RBFOX1: variants seen among roughly 807,000 people sequenced by gnomAD.
The protein encoded by RBFOX1 is RNA binding protein fox-1 homolog 1.
Under a neutral mutation model 57.7 loss-of-function variants are expected in RBFOX1, and 8 were observed. That is an observed-to-expected ratio of 0.14 (90% CI 0.08 to 0.25). The LOEUF (loss-of-function observed/expected upper bound fraction) is 0.25, where lower values mean the gene tolerates loss of function less well. Among genes scored for constraint, RBFOX1 ranks in the 10% least tolerant of loss-of-function variants. The probability of loss-of-function intolerance (pLI) is 1.00; values close to 1 mark genes in which losing one functional copy is unlikely to be tolerated. For missense variants in RBFOX1, 611 were observed against 548.5 expected, an observed-to-expected ratio of 1.11 and a Z score of -1.14; for synonymous variants, 326 against 222.4, an observed-to-expected ratio of 1.47 and a Z score of -4.15.
At chr16:7,662,427 G>A (rs938644928) in intron 12 of RBFOX1, among the ~76,000 whole-genome samples, 12 of 152,068 alleles carry the variant, frequency 7.9e-5, no homozygotes, top group Non-Finnish European at 1.5e-5. Flanking sequence ...AATTCTACCT[G>A]GAGTTGGTAA....
chr16:5,759,032 AAACCTCCATTTG>A (rs2053496322), intron 3 of RBFOX1, among the ~76,000 whole-genome samples: 1 of 152,234 alleles, frequency 6.6e-6, no homozygotes, highest in Non-Finnish European at 1.5e-5. Context: ...CAAATTCATG[AAACCTCCATTTG>A]AACCTCCATT....
intron 2 of RBFOX1, among the ~76,000 whole-genome samples, chr16:6,489,567 T>G (rs2095583684): frequency 6.6e-6 from 1 of 152,110 alleles, no homozygotes; most frequent in African/African-American, 2.4e-5. Flanking sequence ...CTCATGTACT[T>G]TAGTAATTTG....
At chr16:5,840,082 C>T (rs763844551) in intron 3 of RBFOX1, among the ~76,000 whole-genome samples, 9 of 152,186 alleles carry the variant, frequency 5.9e-5, no homozygotes, top group Non-Finnish European at 1.0e-4. Context: ...CATTTAGTAT[C>T]TAACTCATGA....
intron 3 of RBFOX1, among the ~76,000 whole-genome samples, chr16:6,904,209 C>G (rs528086705): frequency 6.6e-6 from 1 of 152,286 alleles, no homozygotes; most frequent in East Asian, 1.9e-4. Context: ...ACATTGCATG[C>G]ACTTTTGATG....
chr16:7,348,377 T>G (rs2097059189), intron 4 of RBFOX1, among the ~76,000 whole-genome samples: 1 of 151,872 alleles, frequency 6.6e-6, no homozygotes, highest in African/African-American at 2.4e-5. Flanking sequence ...TAGGAACACC[T>G]TTTGAAATAA....
chr16:7,483,064 C>G (rs1437977625), intron 4 of RBFOX1, among the ~76,000 whole-genome samples: 1 of 152,158 alleles, frequency 6.6e-6, no homozygotes, highest in Admixed American at 6.5e-5. Context: ...GGAAGCCACC[C>G]TCGTCACTAA....
intron 4 of RBFOX1, among the ~76,000 whole-genome samples, chr16:7,061,697 C>G (rs1478416625): frequency 2.6e-5 from 4 of 152,254 alleles, no homozygotes; most frequent in African/African-American, 9.6e-5. Context: ...CCATTTCTTG[C>G]TTTATCATTA....
intron 4 of RBFOX1, among the ~76,000 whole-genome samples, chr16:5,911,431 A>G (rs1478731532): frequency 2.6e-5 from 4 of 152,264 alleles, no homozygotes; most frequent in Middle Eastern, 3.4e-3. Context: ...CCCTGGGGGC[A>G]CCATCCTAGC....
chr16:5,360,119 A>G (rs1036713764), intron 1 of RBFOX1, among the ~76,000 whole-genome samples: 2 of 152,216 alleles, frequency 1.3e-5, no homozygotes, highest in African/African-American at 4.8e-5. Context: ...TTGAGGACAG[A>G]GACAGTTCTG....
At chr16:6,416,672 A>T (rs530423703) in intron 2 of RBFOX1, among the ~76,000 whole-genome samples, 1 of 152,260 alleles carries the variant, frequency 6.6e-6, no homozygotes, top group South Asian at 2.1e-4. Context: ...CTAAGGGAGA[A>T]TATGCCATTT....
intron 1 of RBFOX1, among the ~76,000 whole-genome samples, chr16:6,217,370 A>G (rs1228425163): frequency 1.3e-5 from 2 of 151,486 alleles, no homozygotes; most frequent in Non-Finnish European, 3.0e-5. Context: ...GCTGAAAAAA[A>G]GGGGAGGATG....
chr16:5,482,282 C>G (rs191348069), intron 2 of RBFOX1, among the ~76,000 whole-genome samples: 83 of 152,314 alleles, frequency 5.4e-4, no homozygotes, highest in Non-Finnish European at 9.6e-4. Context: ...CTCTCTTCAT[C>G]AGTTTCTTGC....
At chr16:5,702,647 A>G (rs1051393356) in intron 3 of RBFOX1, among the ~76,000 whole-genome samples, 11 of 152,216 alleles carry the variant, frequency 7.2e-5, no homozygotes, top group African/African-American at 1.9e-4. Context: ...ATAAGCTTCT[A>G]TAACCTCAAT....
chr16:7,592,054 G>A (rs957099201), intron 7 of RBFOX1, among the ~76,000 whole-genome samples: 2 of 152,178 alleles, frequency 1.3e-5, no homozygotes, highest in South Asian at 2.1e-4. Flanking sequence ...TTCTTGTCTG[G>A]GTGGGAGGTA....
At chr16:5,434,695 C>A (rs2067862456) in intron 1 of RBFOX1, among the ~76,000 whole-genome samples, 1 of 152,176 alleles carries the variant, frequency 6.6e-6, no homozygotes, top group African/African-American at 2.4e-5. Flanking sequence ...TAAAATCCTG[C>A]ATCTCTTGAC....
intron 4 of RBFOX1, among the ~76,000 whole-genome samples, chr16:5,904,520 G>C (rs1350279991): frequency 6.6e-6 from 1 of 151,908 alleles, no homozygotes; most frequent in South Asian, 2.1e-4. Context: ...GGTGGTGGGA[G>C]TGGGTAGGCG....
intron 4 of RBFOX1, among the ~76,000 whole-genome samples, chr16:7,250,878 G>T (rs1381357342): frequency 1.3e-5 from 2 of 152,032 alleles, no homozygotes; most frequent in African/African-American, 4.8e-5. Flanking sequence ...AAATAATAAC[G>T]AATTAACTTT....
At chr16:7,281,411 A>G (rs2095540996) in intron 4 of RBFOX1, among the ~76,000 whole-genome samples, 1 of 151,978 alleles carries the variant, frequency 6.6e-6, no homozygotes, top group African/African-American at 2.4e-5. Flanking sequence ...ACTTTGTGCA[A>G]AACACTTGCC....
chr16:6,738,160 C>A (rs919592977), intron 3 of RBFOX1, among the ~76,000 whole-genome samples: 9 of 151,368 alleles, frequency 5.9e-5, no homozygotes, highest in Non-Finnish European at 1.2e-4. Context: ...TCTTAAATGA[C>A]TGTATGATGA....
Sources: allele counts gnomAD v4.1 joint callset (sites outside exome capture counted in the v4.1 genomes callset), GRCh38; gene constraint gnomAD v4.1.1; transcripts MANE v1.5; gene names NCBI Gene and HGNC (gene_info 2026-07-23, HGNC 2026-07-21).